NECAP1: variants seen among roughly 807,000 people sequenced by gnomAD.
The protein encoded by NECAP1 is NECAP endocytosis associated 1.
In NECAP1, 13 loss-of-function variants were observed where a neutral mutation model predicts 33.4. The ratio of observed to expected loss-of-function variants is 0.39; its 90% confidence interval spans 0.25 to 0.62. The LOEUF (loss-of-function observed/expected upper bound fraction) is 0.62, where lower values mean the gene tolerates loss of function less well. Among genes scored for constraint, NECAP1 ranks in the 20% least tolerant of loss-of-function variants. The pLI is 0.52. For synonymous variants in NECAP1, 109 were observed against 125.2 expected (o/e 0.87, Z 0.86); for missense variants, 272 against 347.4 (o/e 0.78, Z 1.73).
At chr12:8,095,484 A>G (rs1266426575) in intron 6 of NECAP1, 117 bp from the exon 7 acceptor site, 14 of 605,374 alleles carry the variant, frequency 2.3e-5, no homozygotes, top group East Asian at 1.9e-4. Context: ...TCCTGACCTC[A>G]TGATCCACCC....
At chr12:8,085,300 G>C (rs1012758518) in intron 1 of NECAP1, among the ~76,000 whole-genome samples, 1 of 151,400 alleles carries the variant, frequency 6.6e-6, no homozygotes, top group South Asian at 2.1e-4. Flanking sequence ...TTACAGGCGT[G>C]AGCCACCGCA....
In NECAP1 at chr12:8,097,565, C is replaced by G. The variant is rs1337632423; in HGVS notation, c.*1475C>G. The G allele has an allele frequency of 6.6e-6, 1 of 152,560 alleles. No homozygotes were observed. The highest frequency in any genetic ancestry group is 2.4e-5 in the African/African-American group (1 of 41,438). 9.5% of individuals were successfully genotyped at this position (152,560 alleles called of 1,614,324 possible). A position where few individuals can be genotyped will look rare whatever the true frequency, so the allele number is the denominator to read the frequency against. On this transcript the variant is annotated 3_prime_UTR_variant, in exon 8 of 8. Transcript: ENST00000339754. ...CATGTTAAAATTCCAATAGAAAACA[C>G]TAAAAGGAAAGTCTGTGGAATCACT...
chr12:8,090,446 A>G (rs1486659352), intron 3 of NECAP1, 147 bp downstream of exon 3: 3 of 660,332 alleles, frequency 4.5e-6, no homozygotes. Context: ...TTGCTAAAGG[A>G]AAAGTATTAA....
In NECAP1 at chr12:8,093,833, C is replaced by A. The variant is rs763395234; in HGVS notation, c.676+778C>A. ...AAATGATTGACAGCACCTAGCATAG[C>A]ACTTGGAACATAGTAGGCATTTAGT... On this transcript the variant is annotated intron_variant, in intron 6 of 7. Coordinates refer to ENST00000339754, the MANE Select transcript of NECAP1 (RefSeq NM_015509.4). 2.0e-5 allele frequency: 3 copies of A among 152,326 alleles called. No homozygotes were observed. The East Asian group carries it at 5.8e-4, about 29-fold the overall frequency. The allele number at this position is 152,326 out of a possible 1,614,324, so 9.4% of individuals were successfully genotyped here.
rs977553605 is a variant in NECAP1, at chr12:8,096,169, G to A, written c.*79G>A. On this transcript the variant is annotated 3_prime_UTR_variant, in exon 8 of 8. Transcript: ENST00000339754. Reference sequence around the variant, plus strand: ...GGCACCAATCTGTGAGGGAAGTTAGGAACCCATTTCCTCCCCAGAACCAGA... The same window carrying A: ...GGCACCAATCTGTGAGGGAAGTTAGAAACCCATTTCCTCCCCAGAACCAGA... 1.4e-6 allele frequency: 2 copies of A among 1,440,286 alleles called. No homozygotes were observed. Among genetic ancestry groups the A allele is most frequent in the African/African-American group, 2.8e-5 (2 of 71,016 alleles). The allele number at this position is 1,440,286 out of a possible 1,614,324, so 89.2% of individuals were successfully genotyped here. A position where few individuals can be genotyped will look rare whatever the true frequency, so the allele number is the denominator to read the frequency against.
In NECAP1 at chr12:8,089,957, C is replaced by T. The variant is rs146963704; in HGVS notation, c.117C>T (p.Asp39=). ...CTAGGGCCTCTGACTGGAAATTAGA[C>T]CAGCCTGATTGGACTGGTCGCCTCC... ...RGYRASDWKL[D]QPDWTGRLRI... Residue 39 remains aspartate, a synonymous_variant, in exon 2 of 8, where the codon GAC becomes GAT. Coordinates refer to ENST00000339754, the MANE Select transcript of NECAP1 (RefSeq NM_015509.4). The T allele has an allele frequency of 3.1e-6, 5 of 1,614,016 alleles. No homozygotes were observed. The highest frequency in any genetic ancestry group is 4.2e-6 in the Non-Finnish European group (5 of 1,180,010).
chr12:8,086,928 T>TACACACACACAC (rs140539415), intron 1 of NECAP1, among the ~76,000 whole-genome samples: 8 of 143,746 alleles, frequency 5.6e-5, no homozygotes, highest in Admixed American at 2.1e-4. Flanking sequence ...GAGACTCTAT[T>TACACACACACAC]ACACACACAC....
chr12:8,092,387 C>T (rs1369692633), intron 4 of NECAP1: 4 of 341,256 alleles, frequency 1.2e-5, no homozygotes, highest in South Asian at 4.1e-5. Flanking sequence ...CTAACACCCC[C>T]TCAGGAGCAG....
At chr12:8,083,253 C>T (rs113957217) in intron 1 of NECAP1, among the ~76,000 whole-genome samples, 58 of 151,794 alleles carry the variant, frequency 3.8e-4, no homozygotes, top group Middle Eastern at 3.4e-3. Flanking sequence ...CTTTCCAAGC[C>T]TCAATTTTCT....
chr12:8,090,939 A>G (rs1327709435), intron 3 of NECAP1: 1 of 152,356 alleles, frequency 6.6e-6, no homozygotes, highest in Non-Finnish European at 1.5e-5. Flanking sequence ...AGGTTGGCAA[A>G]CAGACAAATA....
intron 4 of NECAP1, chr12:8,092,180 C>T (rs1947551870): frequency 5.7e-6 from 2 of 348,916 alleles, no homozygotes; most frequent in Non-Finnish European, 1.1e-5. Flanking sequence ...CTCTTGTTAC[C>T]TTATGTAGCT....
In NECAP1 at chr12:8,089,962, C is replaced by G; in HGVS notation, c.122C>G (p.Pro41Arg). The G allele has an allele frequency of 6.2e-7, 1 of 1,614,162 alleles. No individual in the cohort carries two copies. The highest frequency in any genetic ancestry group is 8.5e-7 in the Non-Finnish European group (1 of 1,180,028). Reference protein sequence around the residue: ...YRASDWKLDQPDWTGRLRITS... With the variant: ...YRASDWKLDQRDWTGRLRITS... ...GCCTCTGACTGGAAATTAGACCAGC[C>G]TGATTGGACTGGTCGCCTCCGAATC... is the stretch of plus-strand genomic sequence containing the variant. The change falls in exon 2 of 8, where the codon CCT becomes CGT. Residue 41 changes from proline to arginine, a missense_variant. Pro to Arg is a moderately radical substitution (Grantham distance 103). Coordinates refer to ENST00000339754, the MANE Select transcript of NECAP1 (RefSeq NM_015509.4).
chr12:8,089,872 G>T, intron 1 of NECAP1, 64 bp from the exon 2 acceptor site: 1 of 1,182,456 alleles, frequency 8.5e-7, no homozygotes, highest in African/African-American at 1.5e-5. Context: ...TACAGTCAAA[G>T]ATTGTGGGTG....
chr12:8,086,942 C>G (rs1261199224), intron 1 of NECAP1, among the ~76,000 whole-genome samples: 5 of 151,486 alleles, frequency 3.3e-5, no homozygotes, highest in Admixed American at 2.0e-4. Context: ...CACACACACA[C>G]ACACACACAC....
Position 8,096,183 on chromosome 12 carries a change from C to T in NECAP1, c.*93C>T, listed in dbSNP as rs1475835882. ...AGGGAAGTTAGGAACCCATTTCCTC[C>T]CCAGAACCAGAATGACTGGACAATC... is the stretch of plus-strand genomic sequence containing the variant. On this transcript the variant is annotated 3_prime_UTR_variant, in exon 8 of 8. Coordinates refer to ENST00000339754, the MANE Select transcript of NECAP1 (RefSeq NM_015509.4). The T allele has an allele frequency of 3.9e-6, 5 of 1,292,504 alleles. No individual in the cohort carries two copies. The highest frequency in any genetic ancestry group is 4.0e-5 in the Admixed American group (2 of 50,250). The allele number at this position is 1,292,504 out of a possible 1,614,324, so 80.1% of individuals were successfully genotyped here.
chr12:8,085,081 G>T (rs373676509), intron 1 of NECAP1, among the ~76,000 whole-genome samples: 2 of 151,744 alleles, frequency 1.3e-5, no homozygotes, highest in African/African-American at 2.4e-5. Flanking sequence ...GTGCGCTGGC[G>T]CAATCTCAGC....
chr12:8,088,242 T>A (rs1034499112), intron 1 of NECAP1, among the ~76,000 whole-genome samples: 1 of 152,136 alleles, frequency 6.6e-6, no homozygotes, highest in African/African-American at 2.4e-5. Flanking sequence ...CTACTCTACA[T>A]CTCTTGAAAA....
intron 4 of NECAP1, 29 bp from the exon 5 acceptor site, chr12:8,092,647 A>G (rs367799450): frequency 3.2e-6 from 5 of 1,552,082 alleles, no homozygotes; most frequent in Admixed American, 3.6e-5. Context: ...GGAAATCTCA[A>G]ACTAAGATAA....
At chr12:8,084,308 A>G (rs1233652952) in intron 1 of NECAP1, among the ~76,000 whole-genome samples, 1 of 152,156 alleles carries the variant, frequency 6.6e-6, no homozygotes, top group Non-Finnish European at 1.5e-5. Context: ...AGTAGAAATC[A>G]ACATGCTTTT....
Sources: gnomAD v4.1 joint callset for allele counts (sites outside exome capture counted in the v4.1 genomes callset) on GRCh38, gnomAD v4.1.1 for gene constraint, MANE v1.5 for transcripts, NCBI Gene and HGNC (gene_info 2026-07-23, HGNC 2026-07-21) for gene names.